Variants in NBEA observed in about 807,000 individuals in gnomAD.
The protein encoded by NBEA is neurobeachin.
Under a neutral mutation model 343.4 loss-of-function variants are expected in NBEA, and 44 were observed. The observed-to-expected ratio is 0.13, with a 90% CI of 0.10 to 0.16. NBEA has a LOEUF of 0.16. Ranked by LOEUF, NBEA falls within the 10% of genes least tolerant of loss-of-function variation. NBEA has a pLI of 1.00. For synonymous variants in NBEA, 1,175 were observed against 1,238.7 expected, an observed-to-expected ratio of 0.95 and a Z score of 1.08; for missense variants, 2,555 against 3,631.3, an observed-to-expected ratio of 0.70 and a Z score of 7.62.
intron 41 of NBEA, among the ~76,000 whole-genome samples, chr13:35,500,104 A>G (rs1301674981): frequency 1.3e-5 from 2 of 152,038 alleles, no homozygotes; most frequent in African/African-American, 4.8e-5. Flanking sequence ...AAAAAAGGCA[A>G]TTGATTAGAT....
intron 34 of NBEA, among the ~76,000 whole-genome samples, chr13:35,261,264 G>A (rs1302545642): frequency 6.6e-6 from 1 of 152,140 alleles, no homozygotes; most frequent in Non-Finnish European, 1.5e-5. Flanking sequence ...TATAATTCCA[G>A]CACTTTGGCA....
At chr13:35,179,683 C>A in intron 28 of NBEA, 1 of 637,162 alleles carries the variant, frequency 1.6e-6, no homozygotes, top group Non-Finnish European at 2.0e-6. Context: ...TCATTCCACA[C>A]ATATTTGTTG....
chr13:35,571,504 A>T (rs1161163395), intron 45 of NBEA, among the ~76,000 whole-genome samples: 1 of 152,218 alleles, frequency 6.6e-6, no homozygotes, highest in African/African-American at 2.4e-5. Context: ...AATGAACACA[A>T]TCATACTTAC....
Position 34,983,199 on chromosome 13 carries a change from G to A in NBEA, c.294+40085G>A, listed in dbSNP as rs986800095. On this transcript the variant is annotated intron_variant, in intron 1 of 58. Coordinates refer to ENST00000379939, the MANE Select transcript of NBEA (RefSeq NM_001385012.1). Reference sequence around the variant, plus strand: ...CCCCCACCCCACACCAGGCCCCAGGGTGTGATGTTCCCCGCCCTGTGTCCA... The same window carrying A: ...CCCCCACCCCACACCAGGCCCCAGGATGTGATGTTCCCCGCCCTGTGTCCA... Among the ~76,000 whole-genome samples the A allele has an allele frequency of 5.9e-5, 9 of 152,210 alleles. No homozygotes were observed. The South Asian group carries it at 1.2e-3, about 21-fold the overall frequency.
chr13:35,162,164 C>T (rs866983858), intron 23 of NBEA, among the ~76,000 whole-genome samples, 197 bp downstream of exon 23: 2 of 151,814 alleles, frequency 1.3e-5, no homozygotes, highest in Non-Finnish European at 2.9e-5. Flanking sequence ...TTAAAATCAC[C>T]CTGTGACATG....
At chr13:35,670,728 C>T (rs1289311809) in intron 58 of NBEA, among the ~76,000 whole-genome samples, 173 bp from the exon 59 acceptor site, 3 of 152,188 alleles carry the variant, frequency 2.0e-5, no homozygotes, top group African/African-American at 7.2e-5. Context: ...CTCAGCAGAA[C>T]CAAGAAGAAA....
chr13:35,005,977 G>A (rs117467534), intron 1 of NBEA, among the ~76,000 whole-genome samples: 2 of 152,026 alleles, frequency 1.3e-5, no homozygotes, highest in Non-Finnish European at 2.9e-5. Flanking sequence ...TAGGTATAAG[G>A]TGTATTTCTT....
At chr13:35,655,063 C>G in intron 54 of NBEA, 53 bp downstream of exon 54, 1 of 1,331,374 alleles carries the variant, frequency 7.5e-7, no homozygotes, top group African/African-American at 1.5e-5. Flanking sequence ...ATTGTTAAAA[C>G]CAAAGCTGAA....
chr13:35,067,594 A>C (rs561609439), intron 8 of NBEA, among the ~76,000 whole-genome samples: 1 of 152,232 alleles, frequency 6.6e-6, no homozygotes, highest in Admixed American at 6.5e-5. Context: ...GCCTATTTGC[A>C]GTCACTCCTC....
intron 49 of NBEA, among the ~76,000 whole-genome samples, chr13:35,641,514 T>A (rs1479225741): frequency 6.6e-6 from 1 of 152,140 alleles, no homozygotes; most frequent in African/African-American, 2.4e-5. Context: ...AAACTACCGA[T>A]ACATACAACA....
intron 41 of NBEA, among the ~76,000 whole-genome samples, chr13:35,536,211 A>C (rs2078532033): frequency 6.6e-6 from 1 of 152,166 alleles, no homozygotes; most frequent in African/African-American, 2.4e-5. Flanking sequence ...TTAAAACCTG[A>C]AAAATAATTC....
At chr13:35,214,002 A>C (rs929145627) in intron 33 of NBEA, among the ~76,000 whole-genome samples, 2 of 151,986 alleles carry the variant, frequency 1.3e-5, no homozygotes, top group African/African-American at 4.8e-5. Flanking sequence ...TCGACAGTAC[A>C]TACTATTTTT....
At chr13:35,558,652 A>AG (rs2079703196) in intron 44 of NBEA, among the ~76,000 whole-genome samples, 3 of 152,176 alleles carry the variant, frequency 2.0e-5, no homozygotes, top group African/African-American at 7.2e-5. Context: ...GAGATTTCTG[A>AG]TCCTCAGACT....
At chr13:34,991,551 C>CA (rs1206380818) in intron 1 of NBEA, among the ~76,000 whole-genome samples, 2 of 152,166 alleles carry the variant, frequency 1.3e-5, no homozygotes, top group Non-Finnish European at 2.9e-5. Flanking sequence ...TCCTATGACC[C>CA]AGTCACCTCC....
At chr13:35,250,535 T>C (rs1332591718) in intron 34 of NBEA, among the ~76,000 whole-genome samples, 1 of 152,218 alleles carries the variant, frequency 6.6e-6, no homozygotes, top group Admixed American at 6.5e-5. Flanking sequence ...ATCCATTTAT[T>C]AGGAAAGGTG....
Position 35,665,275 on chromosome 13 carries a change from G to C in NBEA, c.8464+89G>C, listed in dbSNP as rs115276499. On this transcript the variant is annotated intron_variant, in intron 56 of 58. Transcript: ENST00000379939. ...ATTGTCAGTTTATTTCTTCCAGGAA[G>C]CTTCCCATAGACAAATGGTATCCCA... 1,463 of 1,087,646 alleles carry C rather than the reference G, an allele frequency of 1.3e-3. 12 individuals are homozygous for C. The African/African-American group carries it at 0.02, about 15-fold the overall frequency. The allele number at this position is 1,087,646 out of a possible 1,614,324, so 67.4% of individuals were successfully genotyped here.
At chr13:35,002,929 C>T (rs2061192806) in intron 1 of NBEA, among the ~76,000 whole-genome samples, 1 of 152,082 alleles carries the variant, frequency 6.6e-6, no homozygotes, top group South Asian at 2.1e-4. Flanking sequence ...AGCCCAGTTC[C>T]TTCAACGTTT....
chr13:35,239,323 T>C (rs1377955808), intron 34 of NBEA, among the ~76,000 whole-genome samples: 1 of 152,078 alleles, frequency 6.6e-6, no homozygotes, highest in Non-Finnish European at 1.5e-5. Context: ...CAAGGACTCA[T>C]GGTGGCCATC....
At chr13:35,509,756 G>A (rs941832354) in intron 41 of NBEA, among the ~76,000 whole-genome samples, 3 of 152,138 alleles carry the variant, frequency 2.0e-5, no homozygotes, top group Non-Finnish European at 2.9e-5. Context: ...CAAGAAAAGC[G>A]TTTCAAGAAG....
Sources: allele counts gnomAD v4.1 joint callset (sites outside exome capture counted in the v4.1 genomes callset), GRCh38; gene constraint gnomAD v4.1.1; transcripts MANE v1.5; gene names NCBI Gene and HGNC (gene_info 2026-07-23, HGNC 2026-07-21).